CMTM7: variants seen among roughly 807,000 people sequenced by gnomAD.
CMTM7 encodes CKLF like MARVEL transmembrane domain containing 7, also known as CKLF-like MARVEL transmembrane domain-containing protein 7.
In CMTM7, 7 loss-of-function variants were observed where a neutral mutation model predicts 19.3. The ratio of observed to expected loss-of-function variants is 0.36; its 90% CI spans 0.21 to 0.68. The LOEUF (loss-of-function observed/expected upper bound fraction) is 0.68. CMTM7 is among the 30% of genes least tolerant of loss of function. CMTM7 has a pLI of 0.60. For missense variants in CMTM7, 193 were observed against 232.6 expected (o/e 0.83, Z 1.11); for synonymous variants, 87 against 99.3 (o/e 0.88, Z 0.74).
intron 4 of CMTM7, among the ~76,000 whole-genome samples, chr3:32,453,112 GT>G (rs767297963): frequency 6.6e-6 from 1 of 151,188 alleles, no homozygotes; most frequent in Non-Finnish European, 1.5e-5. Context: ...TAAAATGTAG[GT>G]TTTTAGAAAA....
chr3:32,412,742 T>C (rs1053334596), intron 1 of CMTM7, among the ~76,000 whole-genome samples: 4 of 152,138 alleles, frequency 2.6e-5, no homozygotes, highest in Admixed American at 1.3e-4. Flanking sequence ...GTTTCTACAA[T>C]GTTATATTTT....
chr3:32,432,688 G>A (rs991337696), intron 1 of CMTM7, among the ~76,000 whole-genome samples: 1 of 152,210 alleles, frequency 6.6e-6, no homozygotes, highest in Non-Finnish European at 1.5e-5. Flanking sequence ...TACCTTGTAA[G>A]CTTGTGAGGA....
At chr3:32,420,358 G>A (rs1003165353) in intron 1 of CMTM7, among the ~76,000 whole-genome samples, 8 of 152,336 alleles carry the variant, frequency 5.3e-5, no homozygotes, top group South Asian at 2.1e-4. Flanking sequence ...CCCGCAGGCC[G>A]GGTGAGGGGA....
At chr3:32,444,059 G>C (rs1458614921) in intron 2 of CMTM7, among the ~76,000 whole-genome samples, 1 of 151,962 alleles carries the variant, frequency 6.6e-6, no homozygotes, top group Non-Finnish European at 1.5e-5. Flanking sequence ...TTTTAATTTT[G>C]ATAAATTTAG....
chr3:32,428,850 G>A (rs879598815), intron 1 of CMTM7, among the ~76,000 whole-genome samples: 5 of 152,156 alleles, frequency 3.3e-5, no homozygotes, highest in African/African-American at 7.2e-5. Flanking sequence ...CCTGAGAGTC[G>A]TGGAAAGCCG....
rs79366133 is a variant in CMTM7, at chr3:32,421,349, C to T, written c.160-20491C>T. On this transcript the variant is annotated intron_variant, in intron 1 of 4. Transcript: ENST00000334983. ...ATCCCGCCAGCTTTGCTTCCCATCACACCTCTTCACATACCTGTGCAGTTT... is the reference window on the plus strand; with the variant it reads ...ATCCCGCCAGCTTTGCTTCCCATCATACCTCTTCACATACCTGTGCAGTTT... Among the ~76,000 whole-genome samples, 81 of 152,324 alleles carry T rather than the reference C, an allele frequency of 5.3e-4. 1 individual carries two copies. The East Asian group carries it at 0.013, about 25-fold the overall frequency.
chr3:32,445,313 T>C (rs1166824502), intron 2 of CMTM7, among the ~76,000 whole-genome samples: 2 of 152,212 alleles, frequency 1.3e-5, no homozygotes, highest in African/African-American at 4.8e-5. Context: ...AAGCATTCCT[T>C]CTTTCATCAT....
intron 1 of CMTM7, among the ~76,000 whole-genome samples, chr3:32,428,238 C>T (rs557278078): frequency 7.0e-6 from 1 of 142,510 alleles, no homozygotes; most frequent in African/African-American, 2.5e-5. Context: ...GAGAGGGCTC[C>T]CCAGGCCCTT....
In CMTM7 at chr3:32,442,671, A is replaced by G. The variant is rs1359168771; in HGVS notation, c.333+658A>G. On this transcript the variant is annotated intron_variant, in intron 2 of 4. Transcript: ENST00000334983. ...GATGCTGTTGTGAGGATTGAATGAT[A>G]GGATTTTCTGGCTAAAAGAGACTAG... 5.3e-5 allele frequency among the ~76,000 whole-genome samples: 8 copies of G among 152,278 alleles called. No homozygotes were observed. The East Asian group carries it at 1.5e-3, about 29-fold the overall frequency.
At chr3:32,421,215 C>T (rs1272741714) in intron 1 of CMTM7, among the ~76,000 whole-genome samples, 2 of 152,142 alleles carry the variant, frequency 1.3e-5, no homozygotes, top group Non-Finnish European at 2.9e-5. Flanking sequence ...GATTCATTTT[C>T]CTGAAGAACA....
At chr3:32,436,294 G>A (rs1696597022) in intron 1 of CMTM7, among the ~76,000 whole-genome samples, 1 of 152,190 alleles carries the variant, frequency 6.6e-6, no homozygotes, top group African/African-American at 2.4e-5. Flanking sequence ...CTCAGCCAGT[G>A]GGTGTCAATG....
chr3:32,430,843 G>C (rs769206756), intron 1 of CMTM7, among the ~76,000 whole-genome samples: 1 of 152,134 alleles, frequency 6.6e-6, no homozygotes, highest in Non-Finnish European at 1.5e-5. Context: ...CCAGGGTGAT[G>C]GTTTTGTGTT....
chr3:32,437,614 C>T (rs900000671), intron 1 of CMTM7, among the ~76,000 whole-genome samples: 1 of 150,808 alleles, frequency 6.6e-6, no homozygotes, highest in Non-Finnish European at 1.5e-5. Flanking sequence ...AAAAATAGGC[C>T]GGGCGCGGTG....
intron 1 of CMTM7, among the ~76,000 whole-genome samples, chr3:32,437,883 C>A (rs936746262): frequency 9.9e-5 from 15 of 151,832 alleles, no homozygotes; most frequent in African/African-American, 3.4e-4. Context: ...GAGTGAGACT[C>A]CATCTCAAAA....
rs760421593 is a variant in CMTM7 at position 32,441,975 on chromosome 3, T to A, written c.295T>A (p.Phe99Ile). The A allele has an allele frequency of 4.3e-6, 7 of 1,614,078 alleles. No individual in the cohort carries two copies. In the South Asian group the frequency reaches 6.6e-5, roughly 15 times the overall value. Residue 99 changes from phenylalanine to isoleucine, a missense_variant, in exon 2 of 5, where the codon TTC becomes ATC. Phe to Ile is a conservative substitution (Grantham distance 21). Transcript: ENST00000334983. Reference sequence around the variant, plus strand: ...CTTTTACCTGGTCCACCTCTTCCGCTTCTACCGCGTGCTCACCTGTATCAG... The same window carrying A: ...CTTTTACCTGGTCCACCTCTTCCGCATCTACCGCGTGCTCACCTGTATCAG... Reference protein sequence around the residue: ...LAFYLVHLFRFYRVLTCISWP... With the variant: ...LAFYLVHLFRIYRVLTCISWP...
intron 1 of CMTM7, among the ~76,000 whole-genome samples, chr3:32,399,744 G>A (rs1695973920): frequency 2.0e-5 from 3 of 152,156 alleles, no homozygotes; most frequent in Non-Finnish European, 2.9e-5. Flanking sequence ...CCTACTTCCT[G>A]GAAGTTGGAG....
In CMTM7 at chr3:32,455,387, C is replaced by G. The variant is rs189659171; in HGVS notation, c.*1133C>G. 1.3e-5 allele frequency: 2 copies of G among 152,364 alleles called. No homozygotes were observed. Among genetic ancestry groups the G allele is most frequent in the South Asian group, 2.1e-4 (1 of 4,834 alleles). 9.4% of individuals were successfully genotyped at this position (152,364 alleles called of 1,614,324 possible). A position where few individuals can be genotyped will look rare whatever the true frequency, so the allele number is the denominator to read the frequency against. ...AGCTGGGCTCAGGATCTAGGTCTGC[C>G]TGACTCCCAGCCCCATCCTTGCCTC... On this transcript the variant is annotated 3_prime_UTR_variant, in exon 5 of 5. Coordinates refer to ENST00000334983, the MANE Select transcript of CMTM7 (RefSeq NM_138410.4).
intron 1 of CMTM7, among the ~76,000 whole-genome samples, chr3:32,404,814 A>G (rs1319880486): frequency 6.6e-6 from 1 of 152,224 alleles, no homozygotes; most frequent in South Asian, 2.1e-4. Context: ...TCATATGCCA[A>G]GGTGAAGGGA....
intron 2 of CMTM7, among the ~76,000 whole-genome samples, chr3:32,446,397 T>C (rs1286129623): frequency 6.6e-6 from 1 of 152,196 alleles, no homozygotes; most frequent in East Asian, 1.9e-4. Context: ...TTGATCAATC[T>C]AGCTGAAGAT....
Sources: gnomAD v4.1 joint callset for allele counts (sites outside exome capture counted in the v4.1 genomes callset) on GRCh38, gnomAD v4.1.1 for gene constraint, MANE v1.5 for transcripts, NCBI Gene and HGNC (gene_info 2026-07-23, HGNC 2026-07-21) for gene names.